TPRG1: variants seen among roughly 807,000 people sequenced by gnomAD.
TPRG1 encodes tumor protein p63 regulated 1.
In TPRG1, 29 loss-of-function variants were observed where a neutral mutation model predicts 29.3. The ratio of observed to expected loss-of-function variants is 0.99; its 90% CI spans 0.74 to 1.35. The LOEUF (loss-of-function observed/expected upper bound fraction) is 1.35, where lower values mean the gene tolerates loss of function less well. TPRG1 is among the 40% of genes most tolerant of loss of function. The pLI is 0.00. For synonymous variants in TPRG1, 130 were observed against 116.8 expected (o/e 1.11, Z -0.73); for missense variants, 327 against 335.0 (o/e 0.98, Z 0.19).
At chr3:189,142,315 C>A (rs1340973700) in intron 3 of TPRG1, among the ~76,000 whole-genome samples, 1 of 152,106 alleles carries the variant, frequency 6.6e-6, no homozygotes, top group Non-Finnish European at 1.5e-5. Context: ...ATTGATTATA[C>A]CTGCAGACCC....
At chr3:189,221,432 G>A (rs972006489) in intron 3 of TPRG1, among the ~76,000 whole-genome samples, 1 of 152,112 alleles carries the variant, frequency 6.6e-6, no homozygotes, top group Non-Finnish European at 1.5e-5. Context: ...GTATTATATT[G>A]TAACCTTCAA....
At chr3:189,065,716 C>T (rs975413006) in intron 4 of TPRG1, among the ~76,000 whole-genome samples, 1 of 151,938 alleles carries the variant, frequency 6.6e-6, no homozygotes, top group Non-Finnish European at 1.5e-5. Context: ...ACTTATTGGT[C>T]CAAGACTAAA....
chr3:189,299,135 A>G (rs1409237308), intron 4 of TPRG1, among the ~76,000 whole-genome samples: 1 of 151,928 alleles, frequency 6.6e-6, no homozygotes, highest in Non-Finnish European at 1.5e-5. Context: ...TAGGGTGCTC[A>G]AAAGTACTTC....
intron 1 of TPRG1, among the ~76,000 whole-genome samples, chr3:189,113,601 T>C (rs538090089): frequency 1.3e-4 from 20 of 152,300 alleles, no homozygotes; most frequent in African/African-American, 4.8e-4. Flanking sequence ...TGTTGAATTT[T>C]GTCAAAGGCC....
At chr3:189,294,733 C>T (rs576938962) in intron 4 of TPRG1, among the ~76,000 whole-genome samples, 2 of 152,048 alleles carry the variant, frequency 1.3e-5, no homozygotes, top group Non-Finnish European at 2.9e-5. Context: ...TATTTGAAGA[C>T]AATGAATATG....
At chr3:189,083,213 T>C (rs1474235686) in intron 4 of TPRG1, among the ~76,000 whole-genome samples, 2 of 152,134 alleles carry the variant, frequency 1.3e-5, no homozygotes, top group Admixed American at 6.6e-5. Context: ...GGGCTTCTCA[T>C]TGATACTGCA....
intron 3 of TPRG1, among the ~76,000 whole-genome samples, chr3:189,144,716 CT>C (rs11316872): frequency 0.31 from 47,134 of 152,116 alleles, 7,693 homozygotes; most frequent in Admixed American, 0.44. Flanking sequence ...AGAAAAGACA[CT>C]GATCACTAGA....
intron 4 of TPRG1, among the ~76,000 whole-genome samples, chr3:189,250,869 G>A (rs1011864796): frequency 2.0e-5 from 3 of 151,908 alleles, no homozygotes; most frequent in African/African-American, 7.3e-5. Context: ...CAACACCCAG[G>A]AAAAGGCAGA....
At chr3:189,144,176 A>G (rs996860759) in intron 3 of TPRG1, among the ~76,000 whole-genome samples, 2 of 152,202 alleles carry the variant, frequency 1.3e-5, no homozygotes, top group African/African-American at 4.8e-5. Context: ...AGCCCTTGCT[A>G]TGCTCTTGAC....
rs770742123 is a variant in TPRG1 at position 189,272,695 on chromosome 3, C to CTTTCTTTCTCTT, written c.479+33787_479+33788insTTCTTTCTCTTT. On this transcript the variant is annotated intron_variant, in intron 4 of 5. Coordinates refer to ENST00000345063, the MANE Select transcript of TPRG1 (RefSeq NM_198485.4). ...CTTCCTTTCTTTCCTTTCTTTCTTT[C>CTTTCTTTCTCTT]TCTTTCTTTCTTTCTTTCTCCTTCC... Among the ~76,000 whole-genome samples, 19 of 137,938 alleles carry CTTTCTTTCTCTT rather than the reference C, an allele frequency of 1.4e-4. No individual in the cohort carries two copies. In the South Asian group the frequency reaches 1.6e-3, roughly 12 times the overall value. The allele number at this position is 137,938 out of a possible 152,430, so 90.5% of individuals were successfully genotyped here. A position where few individuals can be genotyped will look rare whatever the true frequency, so the allele number is the denominator to read the frequency against.
At position 189,312,762 on chromosome 3, in the gene TPRG1, G is replaced by A. The variant is rs950761763; in HGVS notation, c.633+2223G>A. On this transcript the variant is annotated intron_variant, in intron 5 of 5. Transcript: ENST00000345063. ...AAGATGAAAAGTAAAATATCAAAGAGGGTATGGAATATTATTTTCCAAATA... is the reference window on the plus strand; with the variant it reads ...AAGATGAAAAGTAAAATATCAAAGAAGGTATGGAATATTATTTTCCAAATA... 7.2e-5 allele frequency among the ~76,000 whole-genome samples: 11 copies of A among 152,276 alleles called. No homozygotes were observed. The East Asian group carries it at 1.2e-3, about 16-fold the overall frequency.
chr3:189,065,726 A>G (rs1716395508), intron 4 of TPRG1, among the ~76,000 whole-genome samples: 2 of 152,264 alleles, frequency 1.3e-5, no homozygotes, highest in South Asian at 4.1e-4. Context: ...CCAAGACTAA[A>G]TGCTTTCCTC....
chr3:189,152,806 CATTATTATTAAAAAGTAGGATTG>C (rs1173086222), intron 5 of TPRG1, among the ~76,000 whole-genome samples: 6 of 150,446 alleles, frequency 4.0e-5, no homozygotes, highest in Non-Finnish European at 4.4e-5. Flanking sequence ...TGCTACCTGC[CATTATTATTAAAAAGTAGGATTG>C]CTACCTGCCA....
upstream of TPRG1, among the ~76,000 whole-genome samples, chr3:189,097,524 C>T (rs994878154): frequency 7.2e-5 from 11 of 152,128 alleles, no homozygotes; most frequent in African/African-American, 2.4e-4. Context: ...AGAAGCCCTT[C>T]GTGCATATTT....
At chr3:189,186,610 T>G (rs1730953916) in intron 1 of TPRG1, among the ~76,000 whole-genome samples, 1 of 152,162 alleles carries the variant, frequency 6.6e-6, no homozygotes, top group African/African-American at 2.4e-5. Context: ...ATTTGGTATT[T>G]GACCTGTTTT....
At chr3:189,067,148 A>C (rs1488957306) in intron 4 of TPRG1, among the ~76,000 whole-genome samples, 1 of 152,176 alleles carries the variant, frequency 6.6e-6, no homozygotes, top group Non-Finnish European at 1.5e-5. Flanking sequence ...AAAAACTATA[A>C]AACATTGATG....
intron 4 of TPRG1, among the ~76,000 whole-genome samples, chr3:189,046,532 A>T (rs958911822): frequency 6.6e-6 from 1 of 152,248 alleles, no homozygotes; most frequent in African/African-American, 2.4e-5. Context: ...ACAGGGAAAT[A>T]CAGTGAAAGG....
At chr3:189,095,655 C>G (rs1185062322), upstream of TPRG1, among the ~76,000 whole-genome samples, 1 of 152,202 alleles carries the variant, frequency 6.6e-6, no homozygotes, top group South Asian at 2.1e-4. Context: ...AAGTCATGGT[C>G]AGATGGGTTT....
At chr3:189,289,266 A>G (rs918088476) in intron 4 of TPRG1, among the ~76,000 whole-genome samples, 13 of 152,206 alleles carry the variant, frequency 8.5e-5, no homozygotes, top group African/African-American at 3.1e-4. Context: ...ATGCAGGCTT[A>G]AAAAATCAGT....
Sources: gnomAD v4.1 joint callset for allele counts (sites outside exome capture counted in the v4.1 genomes callset) on GRCh38, gnomAD v4.1.1 for gene constraint, MANE v1.5 for transcripts, NCBI Gene and HGNC (gene_info 2026-07-23, HGNC 2026-07-21) for gene names.